Variants in KCNMA1 observed in about 807,000 individuals in gnomAD.
The protein encoded by KCNMA1 is potassium calcium-activated channel subfamily M alpha 1, also known as Calcium-activated potassium channel subunit alpha-1.
A neutral mutation model predicts 140.0 loss-of-function variants in KCNMA1; 29 were observed. The observed-to-expected ratio is 0.21, with a 90% CI of 0.15 to 0.28. The LOEUF is 0.28. KCNMA1 is among the 10% of genes least tolerant of loss of function. KCNMA1 has a pLI of 1.00. For synonymous variants in KCNMA1, 612 were observed against 611.9 expected, an observed-to-expected ratio of 1.00 and a Z score of 0.00; for missense variants, 880 against 1,602.2, an observed-to-expected ratio of 0.55 and a Z score of 7.70.
chr10:77,468,084 T>G (rs902872427), intron 1 of KCNMA1, among the ~76,000 whole-genome samples: 1 of 152,194 alleles, frequency 6.6e-6, no homozygotes, highest in Non-Finnish European at 1.5e-5. Context: ...CTTGGCTTAT[T>G]GCAGACTCCG....
intron 5 of KCNMA1, among the ~76,000 whole-genome samples, chr10:77,122,355 GC>G (rs1412027696): frequency 3.3e-5 from 5 of 152,096 alleles, no homozygotes; most frequent in African/African-American, 1.2e-4. Context: ...CTCCTTCTAT[GC>G]TAAATAATAC....
chr10:77,538,350 G>T (rs977646589), intron 1 of KCNMA1, among the ~76,000 whole-genome samples: 32 of 152,132 alleles, frequency 2.1e-4, no homozygotes, highest in Non-Finnish European at 2.9e-5. Context: ...TTGGCCAGCA[G>T]CACCCAGGTG....
chr10:77,385,572 C>T (rs1030778255), intron 2 of KCNMA1, among the ~76,000 whole-genome samples: 2 of 152,212 alleles, frequency 1.3e-5, no homozygotes, highest in Admixed American at 1.3e-4. Context: ...AACCACTCAG[C>T]CTCATTGCCT....
At chr10:77,110,743 A>G (rs1450976116) in intron 7 of KCNMA1, among the ~76,000 whole-genome samples, 1 of 152,220 alleles carries the variant, frequency 6.6e-6, no homozygotes, top group Non-Finnish European at 1.5e-5. Context: ...ATGGGTTTCT[A>G]AGGCCCAGAT....
chr10:77,387,970 A>C (rs1170097428), intron 2 of KCNMA1, among the ~76,000 whole-genome samples: 1 of 152,108 alleles, frequency 6.6e-6, no homozygotes, highest in Non-Finnish European at 1.5e-5. Flanking sequence ...TGAACCTTAA[A>C]TCTTTGGCCA....
At chr10:77,636,598 GAT>G in intron 1 of KCNMA1, 1 of 1,536,178 alleles carries the variant, frequency 6.5e-7, no homozygotes, top group Non-Finnish European at 8.7e-7. Flanking sequence ...GGTTACATCA[GAT>G]ATGCGACCTC....
chr10:77,331,649 TAAAA>T (rs34133785), intron 2 of KCNMA1, among the ~76,000 whole-genome samples: 28 of 148,336 alleles, frequency 1.9e-4, no homozygotes, highest in African/African-American at 3.5e-4. Context: ...ACAAAACCTT[TAAAA>T]AAAAAAAAAA....
At chr10:77,371,703 GT>G (rs2094729733) in intron 2 of KCNMA1, among the ~76,000 whole-genome samples, 1 of 152,084 alleles carries the variant, frequency 6.6e-6, no homozygotes. Context: ...TTCCACCCCT[GT>G]TATGATATGC....
intron 24 of KCNMA1, chr10:76,914,427 T>C: frequency 2.0e-6 from 1 of 494,380 alleles, no homozygotes; most frequent in Non-Finnish European, 3.6e-6. Context: ...AAATGGCTTT[T>C]GGCTGAGATA....
intron 3 of KCNMA1, among the ~76,000 whole-genome samples, chr10:77,203,487 C>T (rs181179730): frequency 1.3e-5 from 2 of 152,176 alleles, no homozygotes; most frequent in Admixed American, 1.3e-4. Context: ...GGCTTTTCTT[C>T]CTGGGTGCTT....
chr10:77,007,950 G>A (rs530246946), intron 18 of KCNMA1, among the ~76,000 whole-genome samples: 10 of 152,094 alleles, frequency 6.6e-5, no homozygotes, highest in South Asian at 2.1e-4. Context: ...GCCAGAGCCC[G>A]GGGACTGGGG....
rs1225565533 is a variant in KCNMA1 at position 77,599,680 on chromosome 10, G to A, written c.378+37585C>T. On this transcript the variant is annotated intron_variant, in intron 1 of 27. Coordinates refer to ENST00000286628, the MANE Select transcript of KCNMA1 (RefSeq NM_001161352.2). The stretch of plus-strand genomic sequence containing the variant: ...CATGAAGCACCTACTGGATCATATT[G>A]AATGTCATTTCAGCAATTAGAGAGA... Among the ~76,000 whole-genome samples the A allele has an allele frequency of 2.6e-5, 4 of 152,282 alleles. No individual in the cohort carries two copies. The East Asian group carries it at 5.8e-4, about 22-fold the overall frequency.
intron 20 of KCNMA1, 26 bp downstream of exon 20, chr10:76,969,948 C>G: frequency 1.3e-6 from 2 of 1,570,632 alleles, no homozygotes; most frequent in Non-Finnish European, 1.8e-6. Context: ...AGAGGGAAAC[C>G]GTGGGCAACC....
chr10:77,479,026 A>G (rs1603627871), intron 1 of KCNMA1, among the ~76,000 whole-genome samples: 1 of 152,220 alleles, frequency 6.6e-6, no homozygotes, highest in East Asian at 1.9e-4. Context: ...GGGGGAAAAT[A>G]AAACGAATCA....
At chr10:77,449,934 G>A (rs370920039) in intron 1 of KCNMA1, among the ~76,000 whole-genome samples, 3 of 148,592 alleles carry the variant, frequency 2.0e-5, no homozygotes, top group East Asian at 2.1e-4. Context: ...GAGCCACCAC[G>A]CCTGGCCTAT....
intron 1 of KCNMA1, among the ~76,000 whole-genome samples, chr10:77,460,231 C>T (rs1005778002): frequency 6.6e-6 from 1 of 152,190 alleles, no homozygotes; most frequent in Admixed American, 6.5e-5. Context: ...CTGCTGCGCT[C>T]TCCCACCTCT....
At chr10:77,381,543 C>A (rs532158200) in intron 2 of KCNMA1, among the ~76,000 whole-genome samples, 40 of 152,196 alleles carry the variant, frequency 2.6e-4, no homozygotes, top group South Asian at 1.5e-3. Flanking sequence ...TAGCTTCTGG[C>A]ACTGAAATTC....
intron 15 of KCNMA1, among the ~76,000 whole-genome samples, chr10:77,032,735 T>C (rs72803401): frequency 0.065 from 9,293 of 142,224 alleles, 388 homozygotes; most frequent in Non-Finnish European, 0.099. Context: ...CCAACCCCCC[T>C]TTTTTTTTTT....
rs147685729 is a variant in KCNMA1, at chr10:77,352,377, G to A, written c.540+51485C>T. Among the ~76,000 whole-genome samples, 542 of 152,182 alleles carry A rather than the reference G, an allele frequency of 3.6e-3. 1 individual carries two copies. The highest frequency in any genetic ancestry group is 6.2e-3 in the Non-Finnish European group (419 of 68,016). On this transcript the variant is annotated intron_variant, in intron 2 of 27. Transcript: ENST00000286628. Reference sequence around the variant, plus strand: ...ACACTACACTCATGTGCCCATTCCCGTTCCCTTTCCCCTTTATGGTAAATG... The same window carrying A: ...ACACTACACTCATGTGCCCATTCCCATTCCCTTTCCCCTTTATGGTAAATG...
Sources: allele counts gnomAD v4.1 joint callset (sites outside exome capture counted in the v4.1 genomes callset), GRCh38; gene constraint gnomAD v4.1.1; transcripts MANE v1.5; gene names NCBI Gene and HGNC (gene_info 2026-07-23, HGNC 2026-07-21).